The following SOX6 variants were observed in gnomAD, a reference collection of about 807,000 sequenced individuals.
SOX6 encodes SRY-box transcription factor 6.
Under a neutral mutation model 97.8 loss-of-function variants are expected in SOX6, and 11 were observed. The observed-to-expected ratio is 0.11, with a 90% CI of 0.07 to 0.19. The LOEUF (loss-of-function observed/expected upper bound fraction) is 0.19, where lower values mean the gene tolerates loss of function less well. Ranked by LOEUF, SOX6 falls within the 10% of genes least tolerant of loss-of-function variation. The pLI is 1.00. For synonymous variants in SOX6, 360 were observed against 371.4 expected (o/e 0.97, Z 0.35); for missense variants, 810 against 1,039.5 (o/e 0.78, Z 3.04).
intron 2 of SOX6, among the ~76,000 whole-genome samples, chr11:16,729,024 T>C (rs1231216882): frequency 6.6e-6 from 1 of 151,712 alleles, no homozygotes; most frequent in Non-Finnish European, 1.5e-5. Context: ...GAAGACAAGA[T>C]TAGAGAAATA....
At chr11:16,343,768 C>T (rs1340321694) in intron 1 of SOX6, among the ~76,000 whole-genome samples, 1 of 151,882 alleles carries the variant, frequency 6.6e-6, no homozygotes, top group Non-Finnish European at 1.5e-5. Context: ...AAGGCTTCAC[C>T]TCTACTTCAT....
intron 2 of SOX6, among the ~76,000 whole-genome samples, chr11:16,331,417 T>C (rs1353705263): frequency 6.6e-6 from 1 of 152,152 alleles, no homozygotes; most frequent in Non-Finnish European, 1.5e-5. Flanking sequence ...TTGCTTTATG[T>C]GTCATACATA....
intron 3 of SOX6, among the ~76,000 whole-genome samples, chr11:16,677,733 TA>T (rs1847895806): frequency 6.6e-6 from 1 of 152,212 alleles, no homozygotes; most frequent in African/African-American, 2.4e-5. Context: ...TAGCCTCATC[TA>T]CCCCCATCAT....
chr11:16,302,558 CT>C (rs1305778326), intron 3 of SOX6, among the ~76,000 whole-genome samples: 2 of 106,616 alleles, frequency 1.9e-5, no homozygotes, highest in African/African-American at 3.3e-5. Context: ...ATTTTTTTTT[CT>C]TTTTTTCTTT....
chr11:16,620,309 G>A (rs984707746), intron 3 of SOX6, among the ~76,000 whole-genome samples: 15 of 152,076 alleles, frequency 9.9e-5, no homozygotes, highest in Non-Finnish European at 2.9e-5. Context: ...ATCCATTAAC[G>A]TTTAAGAAAT....
At chr11:16,481,135 T>C (rs966131426), upstream of SOX6, among the ~76,000 whole-genome samples, 1 of 152,162 alleles carries the variant, frequency 6.6e-6, no homozygotes, top group Admixed American at 6.5e-5. Context: ...TCTTCACTGT[T>C]ATTATCACTT....
chr11:16,606,147 C>A (rs1297401569), intron 4 of SOX6, among the ~76,000 whole-genome samples: 4 of 151,982 alleles, frequency 2.6e-5, no homozygotes, highest in African/African-American at 9.7e-5. Flanking sequence ...TCCCCCTAGT[C>A]TCGGTGTGAC....
At chr11:16,399,431 C>T (rs924005959) in intron 1 of SOX6, among the ~76,000 whole-genome samples, 4 of 151,166 alleles carry the variant, frequency 2.6e-5, no homozygotes, top group African/African-American at 9.7e-5. Context: ...ACTATCATAG[C>T]TCATTTGCAA....
chr11:16,511,807 T>C (rs1244647396), intron 4 of SOX6, among the ~76,000 whole-genome samples: 1 of 152,176 alleles, frequency 6.6e-6, no homozygotes, highest in Admixed American at 6.5e-5. Context: ...ATGAGACCAC[T>C]GCATCATAAT....
intron 13 of SOX6, among the ~76,000 whole-genome samples, chr11:15,998,493 T>C (rs1431976411): frequency 8.4e-6 from 1 of 118,562 alleles, no homozygotes; most frequent in Non-Finnish European, 2.0e-5. Context: ...TACAATGTGA[T>C]TGTTCCCAAA....
At chr11:16,261,281 TA>T (rs1320898293) in intron 3 of SOX6, among the ~76,000 whole-genome samples, 1 of 152,116 alleles carries the variant, frequency 6.6e-6, no homozygotes, top group Non-Finnish European at 1.5e-5. Context: ...TCAATGAAAA[TA>T]AATGATCAGA....
At chr11:16,215,828 T>A (rs1852356950) in intron 4 of SOX6, among the ~76,000 whole-genome samples, 2 of 152,218 alleles carry the variant, frequency 1.3e-5, no homozygotes, top group African/African-American at 4.8e-5. Flanking sequence ...GACATTCTCA[T>A]ATAGAGGATG....
intron 9 of SOX6, among the ~76,000 whole-genome samples, chr11:16,083,601 C>T (rs577418130): frequency 6.6e-6 from 1 of 152,228 alleles, no homozygotes; most frequent in South Asian, 2.1e-4. Flanking sequence ...AATCTATGTA[C>T]AAGAAGCAAT....
intron 6 of SOX6, among the ~76,000 whole-genome samples, chr11:16,183,339 A>C (rs1565004162): frequency 3.1e-5 from 1 of 31,808 alleles, no homozygotes; most frequent in Admixed American, 2.6e-4. Flanking sequence ...TTCAGGAACA[A>C]GTTTTTCTTC....
rs890512309 is a variant in SOX6, at chr11:16,493,557, C to G, written n.610-17169G>C. Among the ~76,000 whole-genome samples the G allele has an allele frequency of 3.9e-5, 6 of 152,120 alleles. No individual in the cohort carries two copies. The South Asian group carries it at 1.0e-3, about 26-fold the overall frequency. On this transcript the variant is annotated intron_variant and non_coding_transcript_variant, in intron 4 of 5. Transcript: ENST00000524520. ...GTAATATAAACATTCTACTTCTTAACCTGGGTGGTAGTTACACAGATATTC... is the reference window on the plus strand; with the variant it reads ...GTAATATAAACATTCTACTTCTTAAGCTGGGTGGTAGTTACACAGATATTC...
At chr11:16,489,918 T>C (rs540509707) in intron 4 of SOX6, among the ~76,000 whole-genome samples, 6 of 152,210 alleles carry the variant, frequency 3.9e-5, no homozygotes, top group African/African-American at 1.4e-4. Flanking sequence ...TGGGCAATTA[T>C]TTAATTTCTC....
At chr11:16,139,035 T>C (rs1430063228) in intron 6 of SOX6, among the ~76,000 whole-genome samples, 1 of 152,200 alleles carries the variant, frequency 6.6e-6, no homozygotes, top group East Asian at 1.9e-4. Flanking sequence ...TGTTTCCTTA[T>C]GATTAGATTC....
At chr11:16,482,927 C>T (rs2133125883) in intron 4 of SOX6, among the ~76,000 whole-genome samples, 1 of 152,292 alleles carries the variant, frequency 6.6e-6, no homozygotes, top group East Asian at 1.9e-4. Context: ...AATTCAATGA[C>T]TACTAATATC....
chr11:16,588,612 G>A (rs1848120041), intron 4 of SOX6, among the ~76,000 whole-genome samples: 1 of 152,096 alleles, frequency 6.6e-6, no homozygotes, highest in Admixed American at 6.6e-5. Context: ...CCCCTCTCCT[G>A]AACATGATAA....
Sources: gnomAD v4.1 joint callset for allele counts (sites outside exome capture counted in the v4.1 genomes callset) on GRCh38, gnomAD v4.1.1 for gene constraint, MANE v1.5 for transcripts, NCBI Gene and HGNC (gene_info 2026-07-23, HGNC 2026-07-21) for gene names.